Variants in TTN observed in about 807,000 individuals in gnomAD.
The protein encoded by TTN is connectin.
A neutral mutation model predicts 3,223.0 loss-of-function variants in TTN; 1,525 were observed. That is an observed-to-expected ratio of 0.47 (90% CI 0.45 to 0.49). The LOEUF is 0.49. TTN is among the 20% of genes least tolerant of loss of function. The pLI is 0.00. For synonymous variants in TTN, 14,094 were observed against 15,161.0 expected (o/e 0.93, Z 5.17); for missense variants, 40,786 against 43,424.0 (o/e 0.94, Z 5.40).
chr2:178,546,961 C>T lies in TTN; in HGVS notation c.94522+42G>A, dbSNP rs374868552. The T allele has an allele frequency of 4.8e-5, 76 of 1,584,596 alleles. 1 individual carries two copies. In the African/African-American group the frequency reaches 6.1e-4, roughly 13 times the overall value. The stretch of plus-strand genomic sequence containing the variant: ...ATACCACTCTGAGTTCTACTAGAAT[C>T]AGTAATAATAAACAAATATGCCCTT... On this transcript the variant is annotated intron_variant, in intron 340 of 362. Transcript: ENST00000589042.
chr2:178,637,522 G>A (rs924732163), intron 223 of TTN, 103 bp from the exon 224 acceptor site: 9 of 583,128 alleles, frequency 1.5e-5, no homozygotes, highest in African/African-American at 9.7e-5. Flanking sequence ...AAATATTAAC[G>A]CATAAAGAGA....
chr2:178,806,207 T>G (rs1037896816), intron 1 of TTN, among the ~76,000 whole-genome samples: 1 of 152,226 alleles, frequency 6.6e-6, no homozygotes, highest in Non-Finnish European at 1.5e-5. Flanking sequence ...AAATTTTTTT[T>G]GTCAGAAACT....
chr2:178,558,691 T>G, intron 326 of TTN, 54 bp from the exon 327 acceptor site: 1 of 1,530,798 alleles, frequency 6.5e-7, no homozygotes, highest in Non-Finnish European at 8.8e-7. Context: ...CACTTTTAAA[T>G]GTGCACTCTT....
At chr2:178,745,159 C>A in intron 47 of TTN, 1 of 993,854 alleles carries the variant, frequency 1.0e-6, no homozygotes, top group Non-Finnish European at 1.2e-6. Context: ...AGAATGGGAG[C>A]AGAGAGATTT....
chr2:178,579,868 A>G lies in TTN; in HGVS notation c.67349-20T>C, dbSNP rs528238459. 22 of 1,612,408 alleles carry G rather than the reference A, an allele frequency of 1.4e-5. 1 individual carries two copies. The Middle Eastern group carries it at 6.6e-4, about 49-fold the overall frequency. On this transcript the variant is annotated intron_variant, in intron 318 of 362. Coordinates refer to ENST00000589042, the MANE Select transcript of TTN (RefSeq NM_001267550.2). ...GAGTTTCTAAAGCAAAGGAGAAATGATAAGTGTAAGCCCCATATAACAAAG... is the reference window on the plus strand; with the variant it reads ...GAGTTTCTAAAGCAAAGGAGAAATGGTAAGTGTAAGCCCCATATAACAAAG...
intron 359 of TTN, among the ~76,000 whole-genome samples, chr2:178,529,552 T>C (rs1001336743): frequency 1.3e-5 from 2 of 152,218 alleles, no homozygotes; most frequent in East Asian, 3.8e-4. Flanking sequence ...TTTCAGAAGA[T>C]TGAAATGAAA....
rs775915301 is a variant in TTN, at chr2:178,539,513, C to T, written c.98552G>A (p.Arg32851Gln). ...AAWYTIDSRV[R>Q]GTSLVVKGLK... Reference sequence around the variant, plus strand: ...GCCTTTTACCACCAGAGATGTACCTCGGACTCTGGAATCAATGGTATACCA... The same window carrying T: ...GCCTTTTACCACCAGAGATGTACCTTGGACTCTGGAATCAATGGTATACCA... Residue 32851 changes from arginine (R) to glutamine (Q), a missense_variant, in exon 352 of 363, where the codon CGA becomes CAA. Transcript: ENST00000589042. 37 of 1,613,642 alleles carry T rather than the reference C, an allele frequency of 2.3e-5. No homozygotes were observed. The Admixed American group carries it at 3.0e-4, about 13-fold the overall frequency.
In TTN at chr2:178,565,969, G is replaced by T; in HGVS notation, c.80163C>A (p.Asp26721Glu). Reference protein sequence around the residue: ...GGAKVKNYVIDKRESTRKAYA... With the variant: ...GGAKVKNYVIEKRESTRKAYA... ...ACGCTTTTCTGGTTGACTCACGTTT[G>T]TCAATCACATAGTTCTTGACCTTTG... Residue 26721 changes from aspartate to glutamate, a missense_variant, in exon 326 of 363, where the codon GAC becomes GAA. Transcript: ENST00000589042. The T allele has an allele frequency of 6.2e-7, 1 of 1,613,590 alleles. No individual in the cohort carries two copies.
At chr2:178,724,173 T>A in intron 72 of TTN, 30 bp from the exon 73 acceptor site, 2 of 1,590,142 alleles carry the variant, frequency 1.3e-6, no homozygotes, top group Non-Finnish European at 1.7e-6. Context: ...AGACTCATCA[T>A]GATTTGAAAG....
rs1382712488 is a variant in TTN, at chr2:178,718,944, A to AATC, written c.24253_24255dup (p.Asp8085dup). 1 of 1,610,116 alleles carries AATC rather than the reference A, an allele frequency of 6.2e-7. No individual in the cohort carries two copies. Among genetic ancestry groups the AATC allele is most frequent in the Admixed American group, 1.7e-5 (1 of 59,662 alleles). ...CTCATTCCAGGCAAAACTTCCACAG[A>AATC]ATCAGGGGTTTGTTCAAAAGATGGT... On this transcript the variant is annotated inframe_insertion, in exon 84 of 363. Coordinates refer to ENST00000589042, the MANE Select transcript of TTN (RefSeq NM_001267550.2).
Position 178,756,621 on chromosome 2 carries a change from T to A in TTN, c.10855A>T (p.Ser3619Cys). ...EVQVFESVSQ[S>C]SIHTAASVQD... ...ACAGATGCAGCTGTGTGGATGGAACTTTGAGATACACTTTCAAAAACCTGC... is the reference window on the plus strand; with the variant it reads ...ACAGATGCAGCTGTGTGGATGGAACATTGAGATACACTTTCAAAAACCTGC... Residue 3619 changes from serine to cysteine, a missense_variant, in exon 46 of 363, where the codon AGT becomes TGT. By Grantham distance (112) the Ser-to-Cys change is moderately radical. Transcript: ENST00000589042. The A allele has an allele frequency of 1.9e-6, 3 of 1,613,712 alleles. No homozygotes were observed. The South Asian group carries it at 3.3e-5, about 18-fold the overall frequency.
chr2:178,732,967 G>A lies in TTN; in HGVS notation c.16209C>T (p.Tyr5403=), dbSNP rs2080816416. 1.9e-6 allele frequency: 3 copies of A among 1,613,430 alleles called. No individual in the cohort carries two copies. Among genetic ancestry groups the A allele is most frequent in the Non-Finnish European group, 1.7e-6 (2 of 1,179,748 alleles). Residue 5403 remains tyrosine (Y), a synonymous_variant, in exon 55 of 363, where the codon TAC becomes TAT. Coordinates refer to ENST00000589042, the MANE Select transcript of TTN (RefSeq NM_001267550.2). ...DGKEIAASDR[Y]RIAFVEGTAS... is the part of the protein sequence containing the mutation. ...CTGTGCCTTCCACAAATGCTATCCT[G>A]TATCTGTCAGAAGCAGCTATTTCTT...
Position 178,769,780 on chromosome 2 carries a change from T to C in TTN, c.8801A>G (p.Lys2934Arg), listed in dbSNP as rs2091195170. The C allele has an allele frequency of 6.2e-7, 1 of 1,614,004 alleles. No individual in the cohort carries two copies. The highest frequency in any genetic ancestry group is 1.6e-4 in the Middle Eastern group (1 of 6,062). Residue 2934 changes from lysine (K) to arginine (R), a missense_variant, in exon 37 of 363, where the codon AAA becomes AGA. Physicochemically the swap from Lys to Arg is conservative, Grantham distance 26. Transcript: ENST00000589042. ...GTTCATGATGATCAGCTGATGGAGT[T>C]TTCCCTGCACAACTATCTTGAACTT... ...SEKFKIVVQG[K>R]LHQLIIMNTS...
rs1451261949 is a variant in TTN at position 178,731,933 on chromosome 2, C to G, written c.16942G>C (p.Val5648Leu). 6.2e-7 allele frequency: 1 copy of G among 1,611,104 alleles called. No homozygotes were observed. Residue 5648 changes from valine to leucine, a missense_variant, in exon 58 of 363, where the codon GTC (valine) becomes CTC (leucine). Coordinates refer to ENST00000589042, the MANE Select transcript of TTN (RefSeq NM_001267550.2). ...AACATGACATCGTACTCCTTTAAGA[C>G]TTCAATTGGCTTAAATTCCTTGGTA... is the stretch of plus-strand genomic sequence containing the variant. Reference protein sequence around the residue: ...YFTKEFKPIEVLKEYDVMLLA... With the variant: ...YFTKEFKPIELLKEYDVMLLA...
chr2:178,711,841 T>G, intron 96 of TTN, 103 bp downstream of exon 96: 3 of 1,396,868 alleles, frequency 2.1e-6, no homozygotes, highest in Non-Finnish European at 2.9e-6. Flanking sequence ...AGCAGAATTT[T>G]AAGCCTTTGG....
chr2:178,725,785 C>G lies in TTN; in HGVS notation c.20537G>C (p.Cys6846Ser). The G allele has an allele frequency of 1.9e-6, 3 of 1,602,162 alleles. No homozygotes were observed. Among genetic ancestry groups the G allele is most frequent in the Non-Finnish European group, 1.7e-6 (2 of 1,172,948 alleles). ...QNEVGSDTCV[C>S]TVKLKEPPRF... ...ATATTTACCTTTCAATTTTACAGTA[C>G]AAACACAAGTATCACTTCCCACTTC... is the stretch of plus-strand genomic sequence containing the variant. Residue 6846 changes from cysteine (C) to serine (S), a missense_variant, in exon 70 of 363, where the codon TGT becomes TCT. Physicochemically the swap from Cys to Ser is moderately radical, Grantham distance 112 (BLOSUM62 -1). Coordinates refer to ENST00000589042, the MANE Select transcript of TTN (RefSeq NM_001267550.2).
chr2:178,565,401 T>C lies in TTN; in HGVS notation c.80731A>G (p.Ile26911Val), dbSNP rs1017295644. The C allele has an allele frequency of 6.2e-7, 1 of 1,613,612 alleles. No homozygotes were observed. Among genetic ancestry groups the C allele is most frequent in the East Asian group, 2.2e-5 (1 of 44,840 alleles). The change falls in exon 326 of 363, where the codon ATT (isoleucine) becomes GTT (valine). Residue 26911 changes from isoleucine (I) to valine (V), a missense_variant. Coordinates refer to ENST00000589042, the MANE Select transcript of TTN (RefSeq NM_001267550.2). ...IPVIGRPRPN[I>V]SWVKDGEPLK... is the part of the protein sequence containing the mutation. ...GGCTCACCATCTTTGACCCAAGAAATGTTAGGTCTTGGTCGGCCTATAACT... is the reference window on the plus strand; with the variant it reads ...GGCTCACCATCTTTGACCCAAGAAACGTTAGGTCTTGGTCGGCCTATAACT...
In TTN at chr2:178,567,238, T is replaced by G. The variant is rs1326663083; in HGVS notation, c.78894A>C (p.Gly26298=). Residue 26298 remains glycine (G), a synonymous_variant, in exon 326 of 363, where the codon GGA becomes GGC. Coordinates refer to ENST00000589042, the MANE Select transcript of TTN (RefSeq NM_001267550.2). The part of the protein sequence containing the change: ...GPPEGPVQVT[G]VTSEKCSLTW... ...TTAAAGAGCATTTTTCAGAAGTGAC[T>G]CCAGTAACCTGGACTGGCCCTTCTG... 6.2e-7 allele frequency: 1 copy of G among 1,607,504 alleles called. No individual in the cohort carries two copies. Among genetic ancestry groups the G allele is most frequent in the Non-Finnish European group, 8.5e-7 (1 of 1,176,518 alleles).
rs757691986 is a variant in TTN at position 178,663,951 on chromosome 2, G to A, written c.36365-49C>T. The A allele has an allele frequency of 5.6e-6, 9 of 1,611,568 alleles. No homozygotes were observed. In the Admixed American group the frequency reaches 1.2e-4, roughly 21 times the overall value. On this transcript the variant is annotated intron_variant, in intron 169 of 362. Coordinates refer to ENST00000589042, the MANE Select transcript of TTN (RefSeq NM_001267550.2). ...CATTTAGGTGTTATGAAGACCGCTA[G>A]AAAAAAATATTGTCAAGAGCAGAAG...
Sources: gnomAD v4.1 joint callset for allele counts (sites outside exome capture counted in the v4.1 genomes callset) on GRCh38, gnomAD v4.1.1 for gene constraint, MANE v1.5 for transcripts, NCBI Gene and HGNC (gene_info 2026-07-23, HGNC 2026-07-21) for gene names.